DOP1A: variants seen among roughly 807,000 people sequenced by gnomAD.
DOP1A encodes protein DOP1A.
DOP1A carries 90 observed loss-of-function variants against 267.6 expected under a neutral mutation model. That is an observed-to-expected ratio of 0.34 (90% confidence interval 0.28 to 0.40). The LOEUF (loss-of-function observed/expected upper bound fraction) is 0.40, where lower values mean the gene tolerates loss of function less well. Ranked by LOEUF, DOP1A falls within the 10% of genes least tolerant of loss-of-function variation. The pLI, the probability that DOP1A is intolerant of heterozygous loss-of-function variation, is 1.00. For missense variants in DOP1A, 2,437 were observed against 2,900.4 expected, an observed-to-expected ratio of 0.84 and a Z score of 3.67; for synonymous variants, 932 against 999.1, an observed-to-expected ratio of 0.93 and a Z score of 1.27.
chr6:83,142,149 G>A, intron 24 of DOP1A, 103 bp downstream of exon 24: 1 of 1,379,838 alleles, frequency 7.2e-7, no homozygotes, highest in Non-Finnish European at 9.9e-7. Context: ...AGATTCGAGT[G>A]TAAAGCAAAA....
rs745369659 is a variant in DOP1A, at chr6:83,140,391, T to C, written c.5403T>C (p.Leu1801=). The C allele has an allele frequency of 1.4e-5, 22 of 1,607,170 alleles. No homozygotes were observed. The highest frequency in any genetic ancestry group is 1.9e-5 in the Non-Finnish European group (22 of 1,178,156). ...AASASLTTIN[L]GATKNLRQQI... ...CCGCATCTCTTACCACTATTAATCT[T>C]GGAGCTACAAAGGTTAGACAATTCA... Residue 1801 remains leucine, a synonymous_variant, in exon 23 of 39, where the codon CTT becomes CTC. Transcript: ENST00000349129.
chr6:83,167,219 G>T, intron 38 of DOP1A: 1 of 928,868 alleles, frequency 1.1e-6, no homozygotes, highest in Non-Finnish European at 1.3e-6. Flanking sequence ...CCGTAAGTAT[G>T]GCAGAGCCAG....
intron 1 of DOP1A, among the ~76,000 whole-genome samples, chr6:83,072,071 C>G (rs996097497): frequency 6.6e-6 from 1 of 152,264 alleles, no homozygotes; most frequent in Non-Finnish European, 1.5e-5. Flanking sequence ...CTGCCGAAGA[C>G]ATTTCTAGAC....
At position 83,168,302 on chromosome 6, in the gene DOP1A, G is replaced by A; in HGVS notation, c.*135G>A. ...CAGATTGTATTTAATTTAAATATTT[G>A]TATATAAGAGCAAATGTCTGAATGT... On this transcript the variant is annotated 3_prime_UTR_variant, in exon 39 of 39. Coordinates refer to ENST00000349129, the MANE Select transcript of DOP1A (RefSeq NM_015018.4). 1 of 1,428,904 alleles carries A rather than the reference G, an allele frequency of 7.0e-7. No individual in the cohort carries two copies. The highest frequency in any genetic ancestry group is 9.1e-7 in the Non-Finnish European group (1 of 1,097,844). 88.5% of individuals were successfully genotyped at this position (1,428,904 alleles called of 1,614,324 possible).
At chr6:83,083,749 C>G (rs183207832) in intron 1 of DOP1A, among the ~76,000 whole-genome samples, 3 of 152,296 alleles carry the variant, frequency 2.0e-5, no homozygotes, top group Admixed American at 1.3e-4. Flanking sequence ...TCCTTTGTAA[C>G]TCAAGGGTAT....
chr6:83,071,180 C>G (rs1785520964), intron 1 of DOP1A, among the ~76,000 whole-genome samples: 1 of 152,060 alleles, frequency 6.6e-6, no homozygotes. Context: ...CTTCTTGATA[C>G]AGTCAGAGGA....
intron 19 of DOP1A, among the ~76,000 whole-genome samples, chr6:83,134,638 AATT>A (rs1468660658): frequency 6.6e-6 from 1 of 152,146 alleles, no homozygotes; most frequent in Non-Finnish European, 1.5e-5. Context: ...TTTCTCAAGC[AATT>A]ATTTTCAATC....
chr6:83,127,124 G>T (rs1583030205), intron 15 of DOP1A, among the ~76,000 whole-genome samples: 2 of 152,164 alleles, frequency 1.3e-5, no homozygotes, highest in African/African-American at 4.8e-5. Flanking sequence ...GGTTCACATA[G>T]TGATGTTACC....
intron 38 of DOP1A, chr6:83,166,277 AG>A: frequency 1.7e-6 from 1 of 575,526 alleles, no homozygotes; most frequent in Admixed American, 2.9e-5. Flanking sequence ...TAGTTGTAAG[AG>A]GATCAGCTTC....
intron 1 of DOP1A, among the ~76,000 whole-genome samples, chr6:83,094,089 C>T (rs373641502): frequency 6.6e-6 from 1 of 152,156 alleles, no homozygotes; most frequent in East Asian, 1.9e-4. Context: ...CTTCTCCCCC[C>T]ACTCTAATCA....
chr6:83,103,298 A>ATTTCTTCT (rs1772946463), intron 4 of DOP1A, among the ~76,000 whole-genome samples: 1 of 152,228 alleles, frequency 6.6e-6, no homozygotes, highest in African/African-American at 2.4e-5. Context: ...AGGATGCAAA[A>ATTTCTTCT]GCATAGAATG....
Position 83,089,047 on chromosome 6 carries a change from T to C in DOP1A, c.-146-7684T>C, listed in dbSNP as rs551214076. On this transcript the variant is annotated intron_variant, in intron 1 of 38. Transcript: ENST00000349129. ...TACAATAATTCATTAATTTATATTC[T>C]TGGGATGTGCTAGAAACACTTAGTC... Among the ~76,000 whole-genome samples the C allele has an allele frequency of 2.6e-4, 39 of 152,352 alleles. 1 individual carries two copies. Among genetic ancestry groups the C allele is most frequent in the African/African-American group, 8.7e-4 (36 of 41,582 alleles).
chr6:83,133,105 T>C (rs1045938810), intron 18 of DOP1A, among the ~76,000 whole-genome samples: 6 of 152,074 alleles, frequency 3.9e-5, no homozygotes, highest in Non-Finnish European at 5.9e-5. Context: ...AAGGAGTAAA[T>C]GAAAGGAATG....
intron 19 of DOP1A, among the ~76,000 whole-genome samples, chr6:83,134,739 G>C (rs1360635905): frequency 1.3e-5 from 2 of 152,268 alleles, no homozygotes; most frequent in East Asian, 3.9e-4. Flanking sequence ...AGCTGCCTGA[G>C]AGTGGTTTTG....
chr6:83,103,442 T>C (rs562466893), intron 4 of DOP1A, among the ~76,000 whole-genome samples: 16 of 152,224 alleles, frequency 1.1e-4, no homozygotes, highest in East Asian at 3.9e-4. Flanking sequence ...AAAGAACTTA[T>C]TCATGTAACC....
chr6:83,147,089 T>C (rs1467402112), intron 25 of DOP1A, 147 bp from the exon 26 acceptor site: 2 of 397,668 alleles, frequency 5.0e-6, no homozygotes, highest in African/African-American at 4.1e-5. Flanking sequence ...GGAAGAGAAC[T>C]GCATGGCTCA....
intron 12 of DOP1A, 70 bp from the exon 13 acceptor site, chr6:83,124,635 A>G: frequency 9.2e-7 from 1 of 1,090,922 alleles, no homozygotes; most frequent in Non-Finnish European, 1.4e-6. Flanking sequence ...CATTAGAAGG[A>G]TGATGATGCT....
intron 38 of DOP1A, among the ~76,000 whole-genome samples, chr6:83,164,090 T>A (rs901518036): frequency 6.1e-5 from 9 of 147,928 alleles, no homozygotes; most frequent in African/African-American, 1.8e-4. Context: ...CTAGGTTGTC[T>A]GGTGAGATCT....
At chr6:83,082,411 A>G (rs1768261090) in intron 1 of DOP1A, among the ~76,000 whole-genome samples, 1 of 152,252 alleles carries the variant, frequency 6.6e-6, no homozygotes, top group Non-Finnish European at 1.5e-5. Context: ...AGCAAAGCAC[A>G]GAAAGATAAA....
Sources: gnomAD v4.1 joint callset for allele counts (sites outside exome capture counted in the v4.1 genomes callset) on GRCh38, gnomAD v4.1.1 for gene constraint, MANE v1.5 for transcripts, NCBI Gene and HGNC (gene_info 2026-07-23, HGNC 2026-07-21) for gene names.